Variants in SCARA5 observed in about 807,000 individuals in gnomAD.
SCARA5 encodes the protein scavenger receptor class A, member 5 (putative).
A neutral mutation model predicts 46.3 loss-of-function variants in SCARA5; 45 were observed. The ratio of observed to expected loss-of-function variants is 0.97; its 90% CI spans 0.76 to 1.24. The LOEUF (loss-of-function observed/expected upper bound fraction) is 1.24. SCARA5 is among the 50% of genes most tolerant of loss of function. The pLI is 0.00. For synonymous variants in SCARA5, 333 were observed against 306.5 expected, an observed-to-expected ratio of 1.09 and a Z score of -0.90; for missense variants, 680 against 689.0, an observed-to-expected ratio of 0.99 and a Z score of 0.15.
At chr8:27,905,951 T>C (rs946410833) in intron 6 of SCARA5, among the ~76,000 whole-genome samples, 4 of 152,170 alleles carry the variant, frequency 2.6e-5, no homozygotes, top group Admixed American at 6.5e-5. Flanking sequence ...CCTCAAGTGA[T>C]CTGCCTGCCT....
intron 3 of SCARA5, among the ~76,000 whole-genome samples, chr8:27,961,298 C>T (rs558347820): frequency 2.0e-5 from 3 of 152,066 alleles, no homozygotes; most frequent in Non-Finnish European, 2.9e-5. Context: ...AGTTCTTGCT[C>T]CATTAGTTCA....
intron 4 of SCARA5, among the ~76,000 whole-genome samples, chr8:27,920,111 T>G (rs545057620): frequency 1.3e-5 from 2 of 152,034 alleles, no homozygotes; most frequent in Non-Finnish European, 2.9e-5. Flanking sequence ...GTTGGGTCTC[T>G]TGGTTCTATC....
At chr8:27,941,642 G>C (rs1472508823) in intron 3 of SCARA5, among the ~76,000 whole-genome samples, 4 of 151,528 alleles carry the variant, frequency 2.6e-5, no homozygotes, top group African/African-American at 9.7e-5. Flanking sequence ...TGCACACCCT[G>C]CACCTCCCCT....
intron 7 of SCARA5, among the ~76,000 whole-genome samples, chr8:27,881,034 G>C (rs1327616760): frequency 6.6e-6 from 1 of 152,096 alleles, no homozygotes; most frequent in African/African-American, 2.4e-5. Flanking sequence ...TTATTAAAAA[G>C]TCAAAAAACA....
intron 2 of SCARA5, among the ~76,000 whole-genome samples, chr8:27,975,478 G>C (rs943025278): frequency 1.3e-5 from 2 of 151,304 alleles, no homozygotes; most frequent in African/African-American, 4.9e-5. Flanking sequence ...GTGCGGGGTG[G>C]GAGCAGTCTT....
At chr8:27,879,346 T>C (rs1167453614) in intron 8 of SCARA5, among the ~76,000 whole-genome samples, 3 of 152,128 alleles carry the variant, frequency 2.0e-5, no homozygotes, top group African/African-American at 7.2e-5. Flanking sequence ...AGGACAGGAC[T>C]TAGATCCACG....
intron 3 of SCARA5, among the ~76,000 whole-genome samples, chr8:27,925,648 G>A (rs2129826271): frequency 6.6e-6 from 1 of 152,184 alleles, no homozygotes; most frequent in South Asian, 2.1e-4. Context: ...GATCTGCTCA[G>A]GGTGAGCACG....
chr8:27,966,621 T>C (rs1175982621), intron 2 of SCARA5, 79 bp from the exon 3 acceptor site: 5 of 1,423,876 alleles, frequency 3.5e-6, no homozygotes, highest in Middle Eastern at 2.0e-4. Context: ...TGGTCTCATC[T>C]CTCCCTGATG....
chr8:27,926,002 G>T (rs527623444), intron 3 of SCARA5, among the ~76,000 whole-genome samples: 1 of 152,212 alleles, frequency 6.6e-6, no homozygotes, highest in African/African-American at 2.4e-5. Flanking sequence ...CTGTTGGTGG[G>T]AGTGTAAATT....
intron 2 of SCARA5, among the ~76,000 whole-genome samples, chr8:27,981,747 C>T (rs1210046726): frequency 6.6e-6 from 1 of 152,224 alleles, no homozygotes; most frequent in Non-Finnish European, 1.5e-5. Flanking sequence ...ACCTGGAACA[C>T]GCCTGGCCAC....
chr8:27,929,453 T>G (rs1055709241), intron 3 of SCARA5, among the ~76,000 whole-genome samples: 1 of 152,228 alleles, frequency 6.6e-6, no homozygotes, highest in African/African-American at 2.4e-5. Context: ...TGAGATTTAG[T>G]GACCTAAACC....
intron 6 of SCARA5, among the ~76,000 whole-genome samples, chr8:27,905,805 G>A (rs1164867214): frequency 1.3e-5 from 2 of 149,382 alleles, no homozygotes; most frequent in Non-Finnish European, 1.5e-5. Context: ...CCACTCCCCG[G>A]GTTCAAGTGA....
chr8:27,969,918 G>A (rs1808423069), intron 2 of SCARA5, among the ~76,000 whole-genome samples: 2 of 152,172 alleles, frequency 1.3e-5, no homozygotes, highest in South Asian at 4.1e-4. Flanking sequence ...ATCCACTGTG[G>A]AAAAGCCCCA....
At chr8:27,947,423 C>T (rs768002058) in intron 3 of SCARA5, among the ~76,000 whole-genome samples, 11 of 152,216 alleles carry the variant, frequency 7.2e-5, no homozygotes, top group Non-Finnish European at 1.5e-4. Context: ...GATACCTGAA[C>T]ACCCATGTTC....
At chr8:27,963,054 G>A (rs1166130047) in intron 3 of SCARA5, among the ~76,000 whole-genome samples, 2 of 152,112 alleles carry the variant, frequency 1.3e-5, no homozygotes, top group Non-Finnish European at 1.5e-5. Context: ...CCCCACATTC[G>A]AATCCCAGAT....
chr8:27,930,644 C>T (rs1482458859), intron 3 of SCARA5, among the ~76,000 whole-genome samples: 7 of 152,148 alleles, frequency 4.6e-5, no homozygotes, highest in Non-Finnish European at 7.3e-5. Flanking sequence ...TCAGGTGATC[C>T]GCCCCCCTCG....
rs775317278 is a variant in SCARA5 at position 27,922,007 on chromosome 8, C to T, written c.480G>A (p.Ala160=). Residue 160 remains alanine (A), a synonymous_variant, in exon 4 of 9, where the codon GCG becomes GCA. Coordinates refer to ENST00000354914, the MANE Select transcript of SCARA5 (RefSeq NM_173833.6). ...EGALWGLQAQ[A]VQTEQAVALL... is the part of the protein sequence containing the mutation. ...GGGCCACCGCCTGCTCGGTCTGCAC[C>T]GCCTGCGCCTGCAGCCCCCACAGCG... is the stretch of plus-strand genomic sequence containing the variant. The T allele has an allele frequency of 3.2e-5, 50 of 1,564,532 alleles. No homozygotes were observed. The highest frequency in any genetic ancestry group is 4.0e-5 in the Non-Finnish European group (46 of 1,163,126).
Position 27,976,621 on chromosome 8 carries a change from C to T in SCARA5, c.113-10079G>A, listed in dbSNP as rs577935524. On this transcript the variant is annotated intron_variant, in intron 2 of 8. Coordinates refer to ENST00000354914, the MANE Select transcript of SCARA5 (RefSeq NM_173833.6). ...AAACAAATGAGTTGAATACACCTGT[C>T]TCACTCTCCCAATTCCTACCACCAT... Among the ~76,000 whole-genome samples, 5 of 152,298 alleles carry T rather than the reference C, an allele frequency of 3.3e-5. No homozygotes were observed. In the South Asian group the frequency reaches 1.0e-3, roughly 32 times the overall value.
chr8:27,892,181 A>C (rs1806995299), intron 7 of SCARA5, among the ~76,000 whole-genome samples: 1 of 152,216 alleles, frequency 6.6e-6, no homozygotes, highest in African/African-American at 2.4e-5. Flanking sequence ...TCAATAAGCC[A>C]TGTTGGAGAA....
Sources: allele counts gnomAD v4.1 joint callset (sites outside exome capture counted in the v4.1 genomes callset), GRCh38; gene constraint gnomAD v4.1.1; transcripts MANE v1.5; gene names NCBI Gene and HGNC (gene_info 2026-07-23, HGNC 2026-07-21).